The following CALM2 variants were observed in gnomAD, a reference collection of about 807,000 sequenced individuals.
The protein encoded by CALM2 is calmodulin-2.
In CALM2, 2 loss-of-function variants were observed where a neutral mutation model predicts 19.8. The observed-to-expected ratio is 0.10, with a 90% confidence interval of 0.04 to 0.32. The LOEUF (loss-of-function observed/expected upper bound fraction) is 0.32. Among genes scored for constraint, CALM2 ranks in the 10% least tolerant of loss-of-function variants. The pLI is 1.00. For missense variants in CALM2, 38 were observed against 178.7 expected (o/e 0.21, Z 4.49); for synonymous variants, 51 against 52.1 (o/e 0.98, Z 0.09).
intron 1 of CALM2, among the ~76,000 whole-genome samples, chr2:47,175,876 GC>G (rs1358039206): frequency 6.7e-6 from 1 of 148,180 alleles, no homozygotes; most frequent in Non-Finnish European, 1.5e-5. Flanking sequence ...ACAGCGCGCC[GC>G]CCGCCCGCCC....
upstream of CALM2, chr2:47,176,529 C>T (rs934651681): frequency 6.9e-6 from 11 of 1,586,128 alleles, no homozygotes; most frequent in Admixed American, 3.5e-5. Flanking sequence ...CTCCTCCGCC[C>T]CCAGCGCCTC....
intron 1 of CALM2, among the ~76,000 whole-genome samples, chr2:47,175,080 T>G (rs1666803289): frequency 1.0e-5 from 1 of 95,332 alleles, no homozygotes; most frequent in African/African-American, 5.1e-5. Flanking sequence ...CCTCATTAGG[T>G]GTTTTTTTTT....
intron 1 of CALM2, 22 bp downstream of exon 1, chr2:47,176,419 G>C: frequency 1.2e-6 from 2 of 1,612,452 alleles, no homozygotes; most frequent in Non-Finnish European, 1.7e-6. Flanking sequence ...GCCCAGCGCC[G>C]GCAGCTCAGC....
intron 2 of CALM2, among the ~76,000 whole-genome samples, chr2:47,165,721 T>A (rs1483415627): frequency 6.6e-6 from 1 of 152,186 alleles, no homozygotes; most frequent in Non-Finnish European, 1.5e-5. Context: ...TCTCGCTCAA[T>A]AAATGTCTTT....
intron 2 of CALM2, among the ~76,000 whole-genome samples, chr2:47,169,554 A>G (rs566690108): frequency 3.9e-4 from 59 of 152,368 alleles, no homozygotes; most frequent in Non-Finnish European, 5.9e-4. Flanking sequence ...CTTTTTGTTC[A>G]TAACAGTCAA....
At chr2:47,168,426 A>G (rs976421820) in intron 2 of CALM2, among the ~76,000 whole-genome samples, 6 of 152,164 alleles carry the variant, frequency 3.9e-5, no homozygotes, top group African/African-American at 1.4e-4. Context: ...GTTTTGATGA[A>G]CTACAAGTAT....
chr2:47,170,872 G>T, intron 1 of CALM2, 108 bp from the exon 2 acceptor site: 1 of 861,326 alleles, frequency 1.2e-6, no homozygotes, highest in Non-Finnish European at 2.0e-6. Flanking sequence ...GTTTCATTTA[G>T]TTCCAGCAAC....
At chr2:47,172,827 G>GGGGGA (rs1666721423) in intron 1 of CALM2, 1 of 30,516 alleles carries the variant, frequency 3.3e-5, no homozygotes. Flanking sequence ...GGGGGGGTGG[G>GGGGGA]AAATGGGACT....
chr2:47,176,886 A>G (rs1023714348), upstream of CALM2: 1 of 985,284 alleles, frequency 1.0e-6, no homozygotes, highest in Non-Finnish European at 1.2e-6. Flanking sequence ...CGCCGCCGGG[A>G]CGCGGTGCGG....
rs1260026331 is a variant in CALM2 at position 47,160,824 on chromosome 2, C to CA, written c.422-21dup. ...CAAACTCTGAAAAAGAAGAAGTACA[C>CA]AAAAAATGAGTCAATAGCAAAAGAC... On this transcript the variant is annotated intron_variant, in intron 5 of 5. Transcript: ENST00000272298. 4 of 632,934 alleles carry CA rather than the reference C, an allele frequency of 6.3e-6. No homozygotes were observed. In the Admixed American group the frequency reaches 1.8e-4, roughly 29 times the overall value. 39.2% of individuals were successfully genotyped at this position (632,934 alleles called of 1,614,324 possible).
intron 1 of CALM2, chr2:47,176,190 AG>A: frequency 1.9e-6 from 1 of 517,282 alleles, no homozygotes; most frequent in South Asian, 2.8e-5. Flanking sequence ...CAAGCCCCCG[AG>A]GAGCTTCACC....
intron 2 of CALM2, chr2:47,163,876 G>C (rs1386938484): frequency 2.0e-5 from 3 of 152,466 alleles, no homozygotes; most frequent in African/African-American, 7.2e-5. Context: ...CTAGCACTTT[G>C]GGAGGCCAAG....
intron 2 of CALM2, 140 bp from the exon 3 acceptor site, chr2:47,162,802 T>C: frequency 1.6e-6 from 1 of 639,770 alleles, no homozygotes. Flanking sequence ...CTGGCCAAAC[T>C]GTAAGACCCC....
At chr2:47,164,657 C>A (rs1015930919) in intron 2 of CALM2, among the ~76,000 whole-genome samples, 2 of 151,746 alleles carry the variant, frequency 1.3e-5, no homozygotes, top group East Asian at 3.9e-4. Context: ...AAAGTTATAC[C>A]AATCAGTAAA....
rs17850324 is a variant in CALM2, at chr2:47,161,774, C to T, written c.370G>A (p.Glu124Lys). 6.2e-7 allele frequency: 1 copy of T among 1,613,302 alleles called. No homozygotes were observed. Among genetic ancestry groups the T allele is most frequent in the Non-Finnish European group, 8.5e-7 (1 of 1,179,566 alleles). ...TCAATATCTGCTTCCCTGATCATTT[C>T]ATCAACTTCTTCATCTGTTAACTTC... ...GEKLTDEEVD[E>K]MIREADIDGD... Residue 124 changes from glutamate to lysine, a missense_variant, in exon 5 of 6, where the codon GAA becomes AAA. Physicochemically the swap from Glu to Lys is moderately conservative, Grantham distance 56. Transcript: ENST00000272298.
intron 1 of CALM2, among the ~76,000 whole-genome samples, chr2:47,174,498 TG>T: frequency 6.6e-6 from 1 of 152,308 alleles, no homozygotes; most frequent in East Asian, 1.9e-4. Flanking sequence ...TCAAATTTAC[TG>T]TATCTGTCAC....
chr2:47,176,926 T>G (rs1352733782), upstream of CALM2: 1 of 985,314 alleles, frequency 1.0e-6, no homozygotes, highest in Admixed American at 6.1e-5. Flanking sequence ...GGCCGCGCTG[T>G]CCTGGCAACT....
intron 5 of CALM2, 60 bp downstream of exon 5, chr2:47,161,663 A>G (rs1687160232): frequency 2.4e-5 from 36 of 1,520,614 alleles, no homozygotes; most frequent in Non-Finnish European, 2.9e-5. Flanking sequence ...GTTCCCTAAC[A>G]AAGAGCCTCT....
chr2:47,172,013 C>T (rs967075018), intron 1 of CALM2: 5 of 126,264 alleles, frequency 4.0e-5, no homozygotes, highest in Non-Finnish European at 8.3e-5. Context: ...AAGCTGGTAA[C>T]GTAAAATTGA....
Sources: gnomAD v4.1 joint callset for allele counts (sites outside exome capture counted in the v4.1 genomes callset) on GRCh38, gnomAD v4.1.1 for gene constraint, MANE v1.5 for transcripts, NCBI Gene and HGNC (gene_info 2026-07-23, HGNC 2026-07-21) for gene names.